The following DLGAP1 variants were observed in gnomAD, a reference collection of about 807,000 sequenced individuals.
DLGAP1 encodes the protein DLG associated protein 1.
In DLGAP1, 11 loss-of-function variants were observed where a neutral mutation model predicts 90.8. The observed-to-expected ratio is 0.12, with a 90% confidence interval of 0.08 to 0.20. DLGAP1 has a LOEUF of 0.20. Ranked by LOEUF, DLGAP1 falls within the 10% of genes least tolerant of loss-of-function variation. The pLI is 1.00. For missense variants in DLGAP1, 1,050 were observed against 1,333.8 expected, an observed-to-expected ratio of 0.79 and a Z score of 3.31; for synonymous variants, 558 against 540.7, an observed-to-expected ratio of 1.03 and a Z score of -0.44.
intron 1 of DLGAP1, among the ~76,000 whole-genome samples, chr18:4,298,882 C>T (rs973509210): frequency 6.6e-6 from 1 of 151,864 alleles, no homozygotes; most frequent in African/African-American, 2.4e-5. Flanking sequence ...GAGATCGAAA[C>T]TATCCGGGCC....
intron 3 of DLGAP1, among the ~76,000 whole-genome samples, chr18:4,001,539 C>T (rs1406012655): frequency 6.6e-6 from 1 of 152,102 alleles, no homozygotes; most frequent in African/African-American, 2.4e-5. Flanking sequence ...ACCAGGATAG[C>T]TTCCTAGCTC....
chr18:3,874,623 T>G, intron 4 of DLGAP1: 1 of 1,535,110 alleles, frequency 6.5e-7, no homozygotes, highest in Non-Finnish European at 8.7e-7. Context: ...CCCTGAGATG[T>G]GCCATAAATG....
chr18:3,522,170 C>T (rs1320657239), intron 10 of DLGAP1, among the ~76,000 whole-genome samples: 1 of 133,768 alleles, frequency 7.5e-6, no homozygotes, highest in Non-Finnish European at 1.5e-5. Context: ...GAGTTTCACG[C>T]TTGTTGCCCA....
At chr18:3,791,962 A>C (rs1027527495) in intron 5 of DLGAP1, among the ~76,000 whole-genome samples, 1 of 152,216 alleles carries the variant, frequency 6.6e-6, no homozygotes, top group African/African-American at 2.4e-5. Flanking sequence ...ATTTTTTAAC[A>C]GCAAAGTAAT....
intron 4 of DLGAP1, among the ~76,000 whole-genome samples, chr18:3,836,423 C>T (rs981897597): frequency 2.6e-5 from 4 of 152,148 alleles, no homozygotes; most frequent in African/African-American, 9.7e-5. Context: ...TTTTAATCTT[C>T]AGTTTTTATA....
chr18:3,502,740 G>A, intron 11 of DLGAP1, 95 bp from the exon 12 acceptor site: 2 of 1,398,158 alleles, frequency 1.4e-6, no homozygotes, highest in Non-Finnish European at 1.9e-6. Context: ...AACAACATAA[G>A]GAGGACTAGT....
At chr18:4,089,301 G>C (rs2075732406) in intron 2 of DLGAP1, among the ~76,000 whole-genome samples, 1 of 152,190 alleles carries the variant, frequency 6.6e-6, no homozygotes, top group Non-Finnish European at 1.5e-5. Context: ...GGAAATAAAA[G>C]AGGACAGAAA....
At chr18:3,674,296 A>AAAAAAAAAAATATATATATAT (rs755076240) in intron 7 of DLGAP1, among the ~76,000 whole-genome samples, 3 of 128,992 alleles carry the variant, frequency 2.3e-5, no homozygotes, top group Admixed American at 7.5e-5. Flanking sequence ...ATAATATTAA[A>AAAAAAAAAAATATATATATAT]ATATATATAT....
At chr18:4,102,196 G>A (rs2075790520) in intron 2 of DLGAP1, among the ~76,000 whole-genome samples, 2 of 152,128 alleles carry the variant, frequency 1.3e-5, no homozygotes, top group South Asian at 4.1e-4. Context: ...AAGGACTCCA[G>A]TAGGGGACCT....
chr18:4,099,385 G>C (rs1228418613), intron 2 of DLGAP1, among the ~76,000 whole-genome samples: 1 of 151,886 alleles, frequency 6.6e-6, no homozygotes, highest in Non-Finnish European at 1.5e-5. Flanking sequence ...ATACCTTGGA[G>C]ATAGTGCGGG....
intron 1 of DLGAP1, among the ~76,000 whole-genome samples, chr18:4,419,057 G>A (rs2082969981): frequency 6.6e-6 from 1 of 152,078 alleles, no homozygotes; most frequent in African/African-American, 2.4e-5. Context: ...AGACAATGGA[G>A]TGCTAAAAAA....
At chr18:3,667,331 G>A (rs1687228621) in intron 7 of DLGAP1, among the ~76,000 whole-genome samples, 1 of 151,962 alleles carries the variant, frequency 6.6e-6, no homozygotes, top group Non-Finnish European at 1.5e-5. Flanking sequence ...CACCTGCCTC[G>A]GCCTCACAGT....
chr18:4,236,029 A>G (rs1051480481), intron 1 of DLGAP1, among the ~76,000 whole-genome samples: 4 of 152,006 alleles, frequency 2.6e-5, no homozygotes, highest in African/African-American at 7.2e-5. Context: ...CCTGGCCTCA[A>G]TGTTTTTTCT....
At position 3,729,100 on chromosome 18, in the gene DLGAP1, C is replaced by T. The variant is rs769354781; in HGVS notation, c.1591+35G>A. ...GGGGACAGTCGTGCCATAGCCAGCA[C>T]AGGGGCCAGGCTGGCTGAGGGCCCG... On this transcript the variant is annotated intron_variant, in intron 7 of 12. Transcript: ENST00000315677. The surrounding 1 kb of genome is among the most constrained non-coding windows in gnomAD (Gnocchi z 6.2). 2 of 1,575,262 alleles carry T rather than the reference C, an allele frequency of 1.3e-6. No individual in the cohort carries two copies. The highest frequency in any genetic ancestry group is 1.7e-6 in the Non-Finnish European group (2 of 1,159,772).
At chr18:4,350,587 A>G (rs2081384851) in intron 1 of DLGAP1, among the ~76,000 whole-genome samples, 1 of 152,118 alleles carries the variant, frequency 6.6e-6, no homozygotes, top group South Asian at 2.1e-4. Flanking sequence ...TCCGTTCACC[A>G]ATATTGCCAA....
At chr18:4,252,589 C>T (rs2078803780) in intron 1 of DLGAP1, among the ~76,000 whole-genome samples, 1 of 152,212 alleles carries the variant, frequency 6.6e-6, no homozygotes, top group South Asian at 2.1e-4. Context: ...GACTCTCTTA[C>T]AGCAAATGGC....
intron 7 of DLGAP1, among the ~76,000 whole-genome samples, chr18:3,602,529 A>T (rs1393529919): frequency 7.3e-6 from 1 of 137,346 alleles, no homozygotes; most frequent in Non-Finnish European, 1.5e-5. Flanking sequence ...CGGGAGGCGG[A>T]GCTTGCAGGG....
intron 1 of DLGAP1, among the ~76,000 whole-genome samples, chr18:4,217,898 A>T (rs1412424873): frequency 6.6e-6 from 1 of 152,066 alleles, no homozygotes; most frequent in African/African-American, 2.4e-5. Flanking sequence ...TTTTTCTGAA[A>T]GTAGTTTTTA....
intron 2 of DLGAP1, among the ~76,000 whole-genome samples, chr18:4,058,268 A>G (rs550848395): frequency 6.6e-6 from 1 of 152,322 alleles, no homozygotes; most frequent in African/African-American, 2.4e-5. Context: ...ACATGTAAAG[A>G]CACACTCCCT....
Sources: allele counts gnomAD v4.1 joint callset (sites outside exome capture counted in the v4.1 genomes callset), GRCh38; gene constraint gnomAD v4.1.1; non-coding constraint Gnocchi (gnomAD v3.1); transcripts MANE v1.5; gene names NCBI Gene and HGNC (gene_info 2026-07-23, HGNC 2026-07-21).